Variants in FHIT observed in about 807,000 individuals in gnomAD.
FHIT encodes the protein fragile histidine triad diadenosine triphosphatase.
FHIT carries 19 observed loss-of-function variants against 17.9 expected under a neutral mutation model. The observed-to-expected ratio is 1.06, with a 90% CI of 0.74 to 1.56. FHIT has a LOEUF of 1.56. FHIT is among the 40% of genes most tolerant of loss of function. The pLI is 0.00. For missense variants in FHIT, 248 were observed against 189.2 expected (o/e 1.31, Z -1.82); for synonymous variants, 81 against 69.7 (o/e 1.16, Z -0.81).
At chr3:59,886,141 T>C (rs953352532) in intron 8 of FHIT, 1 of 152,160 alleles carries the variant, frequency 6.6e-6, no homozygotes, top group Non-Finnish European at 1.5e-5. Context: ...TTCTACCAAA[T>C]GAAGAGAATG....
intron 4 of FHIT, among the ~76,000 whole-genome samples, chr3:60,770,346 G>T (rs1285759197): frequency 6.6e-6 from 1 of 151,990 alleles, no homozygotes; most frequent in African/African-American, 2.4e-5. Flanking sequence ...TCGCGTGGCT[G>T]CCCAATATCC....
chr3:60,815,303 T>C (rs1280851500), intron 4 of FHIT, among the ~76,000 whole-genome samples: 1 of 152,092 alleles, frequency 6.6e-6, no homozygotes, highest in Non-Finnish European at 1.5e-5. Flanking sequence ...TAGTCATAAA[T>C]TCTTTCCCAA....
At chr3:60,280,797 C>A (rs560872625) in intron 5 of FHIT, among the ~76,000 whole-genome samples, 1 of 152,090 alleles carries the variant, frequency 6.6e-6, no homozygotes, top group East Asian at 1.9e-4. Context: ...TGTTAATACT[C>A]CTATTCAACA....
chr3:60,616,419 T>C (rs1425695786), intron 4 of FHIT, among the ~76,000 whole-genome samples: 1 of 152,118 alleles, frequency 6.6e-6, no homozygotes, highest in Non-Finnish European at 1.5e-5. Flanking sequence ...CCATACTCTT[T>C]GATTCTTTTT....
intron 5 of FHIT, among the ~76,000 whole-genome samples, chr3:60,399,423 G>C (rs1701577027): frequency 6.6e-6 from 1 of 152,130 alleles, no homozygotes; most frequent in Admixed American, 6.6e-5. Context: ...GACATTTGCT[G>C]TCTCCCATAA....
At chr3:60,040,920 C>A (rs1701411868) in intron 5 of FHIT, among the ~76,000 whole-genome samples, 1 of 152,042 alleles carries the variant, frequency 6.6e-6, no homozygotes, top group South Asian at 2.1e-4. Flanking sequence ...GGTAAACCAC[C>A]TGGGGCCTCA....
intron 5 of FHIT, among the ~76,000 whole-genome samples, chr3:60,379,907 GCTT>G (rs1236256684): frequency 1.3e-5 from 2 of 152,082 alleles, no homozygotes; most frequent in Non-Finnish European, 2.9e-5. Flanking sequence ...TATCTCTAGG[GCTT>G]CTGTGTTTCA....
intron 5 of FHIT, among the ~76,000 whole-genome samples, chr3:60,350,746 A>G (rs1327751587): frequency 3.3e-5 from 5 of 152,142 alleles, no homozygotes; most frequent in African/African-American, 1.2e-4. Context: ...AAACTCCATG[A>G]TCCAGCCCCC....
chr3:61,191,937 G>A (rs1048508089), intron 2 of FHIT, among the ~76,000 whole-genome samples: 3 of 152,202 alleles, frequency 2.0e-5, no homozygotes, highest in Admixed American at 2.0e-4. Flanking sequence ...ATTTAGGAAG[G>A]AGCATGGGAC....
At chr3:60,889,400 A>G (rs1391914635) in intron 3 of FHIT, among the ~76,000 whole-genome samples, 1 of 152,240 alleles carries the variant, frequency 6.6e-6, no homozygotes, top group African/African-American at 2.4e-5. Flanking sequence ...AATTAAAAGA[A>G]AATTTTATAT....
chr3:60,565,291 C>T (rs1383962376), intron 4 of FHIT, among the ~76,000 whole-genome samples: 5 of 152,112 alleles, frequency 3.3e-5, no homozygotes, highest in Non-Finnish European at 5.9e-5. Flanking sequence ...CCCATAATAT[C>T]TTTGAGGTAT....
intron 8 of FHIT, among the ~76,000 whole-genome samples, chr3:59,802,934 T>C (rs1434771490): frequency 6.6e-6 from 1 of 152,170 alleles, no homozygotes; most frequent in Non-Finnish European, 1.5e-5. Context: ...CTTTCTATCT[T>C]GAACTGTAGT....
At chr3:60,072,978 C>G (rs1004917031) in intron 5 of FHIT, among the ~76,000 whole-genome samples, 1 of 152,080 alleles carries the variant, frequency 6.6e-6, no homozygotes, top group Admixed American at 6.5e-5. Context: ...TTACTAAATG[C>G]CAGGGAATAC....
intron 4 of FHIT, among the ~76,000 whole-genome samples, chr3:60,682,257 C>T (rs1222385971): frequency 6.6e-6 from 1 of 152,136 alleles, no homozygotes; most frequent in Non-Finnish European, 1.5e-5. Flanking sequence ...AGGGGTAAGC[C>T]ACCACACCCG....
intron 2 of FHIT, among the ~76,000 whole-genome samples, chr3:61,116,677 C>T (rs1330543642): frequency 1.3e-5 from 2 of 151,484 alleles, no homozygotes; most frequent in African/African-American, 4.8e-5. Flanking sequence ...GATGAGGATA[C>T]AAACACAGAA....
At chr3:60,843,185 G>A (rs1553745583) in intron 3 of FHIT, among the ~76,000 whole-genome samples, 3 of 152,130 alleles carry the variant, frequency 2.0e-5, no homozygotes, top group Admixed American at 1.3e-4. Flanking sequence ...GGAACCACAA[G>A]CTAAAAAGGA....
intron 4 of FHIT, among the ~76,000 whole-genome samples, chr3:60,746,117 G>A (rs1553715289): frequency 6.6e-6 from 1 of 152,088 alleles, no homozygotes; most frequent in Non-Finnish European, 1.5e-5. Flanking sequence ...TCAAAACTCT[G>A]GGTCAATCAA....
intron 5 of FHIT, among the ~76,000 whole-genome samples, chr3:60,178,053 T>G (rs775219643): frequency 6.6e-6 from 1 of 152,210 alleles, no homozygotes; most frequent in Non-Finnish European, 1.5e-5. Flanking sequence ...GAATTTAACG[T>G]TAATATGAAG....
chr3:60,278,862 A>T (rs1217652252), intron 5 of FHIT, among the ~76,000 whole-genome samples: 3 of 152,190 alleles, frequency 2.0e-5, no homozygotes, highest in Admixed American at 2.0e-4. Flanking sequence ...AGAGCTTAGC[A>T]AAATTTGTGG....
Sources: allele counts gnomAD v4.1 joint callset (sites outside exome capture counted in the v4.1 genomes callset), GRCh38; gene constraint gnomAD v4.1.1; transcripts MANE v1.5; gene names NCBI Gene and HGNC (gene_info 2026-07-23, HGNC 2026-07-21).